FAM8A1: variants seen among roughly 807,000 people sequenced by gnomAD.
The protein encoded by FAM8A1 is protein FAM8A1.
FAM8A1 carries 18 observed loss-of-function variants against 38.3 expected under a neutral mutation model. The ratio of observed to expected loss-of-function variants is 0.47; its 90% CI spans 0.33 to 0.70. FAM8A1 has a LOEUF of 0.70. FAM8A1 is among the 30% of genes least tolerant of loss of function. The pLI, the probability that FAM8A1 is intolerant of heterozygous loss-of-function variation, is 0.03. For synonymous variants in FAM8A1, 246 were observed against 234.4 expected (o/e 1.05, Z -0.45); for missense variants, 559 against 559.6 (o/e 1.00, Z 0.01).
Position 17,608,355 on chromosome 6 carries a change from T to C in FAM8A1, c.*16T>C. ...GGTCAGATGATGCCCCCCAAAACCC[T>C]GATTTCCACACACTAAGACTAAATT... On this transcript the variant is annotated 3_prime_UTR_variant, in exon 5 of 5. Coordinates refer to ENST00000259963, the MANE Select transcript of FAM8A1 (RefSeq NM_016255.3). 1 of 1,601,664 alleles carries C rather than the reference T, an allele frequency of 6.2e-7. No homozygotes were observed. Among genetic ancestry groups the C allele is most frequent in the Non-Finnish European group, 8.5e-7 (1 of 1,174,658 alleles).
Position 17,610,645 on chromosome 6 carries a change from T to A in FAM8A1, c.*2306T>A, listed in dbSNP as rs1404613496. On this transcript the variant is annotated 3_prime_UTR_variant, in exon 5 of 5. Coordinates refer to ENST00000259963, the MANE Select transcript of FAM8A1 (RefSeq NM_016255.3). ...TCTCCTGCTTTCCAGAACACTTTAT[T>A]ATATTTCACTTATAGACCTGATTTT... 2 of 152,166 alleles carry A rather than the reference T, an allele frequency of 1.3e-5. No individual in the cohort carries two copies. Among genetic ancestry groups the A allele is most frequent in the Non-Finnish European group, 2.9e-5 (2 of 67,988 alleles). The allele number at this position is 152,166 out of a possible 1,614,324, so 9.4% of individuals were successfully genotyped here.
Position 17,610,791 on chromosome 6 carries a change from C to G in FAM8A1, c.*2452C>G, listed in dbSNP as rs1278412972. 3 of 152,104 alleles carry G rather than the reference C, an allele frequency of 2.0e-5. No individual in the cohort carries two copies. Among genetic ancestry groups the G allele is most frequent in the African/African-American group, 7.2e-5 (3 of 41,426 alleles). The allele number at this position is 152,104 out of a possible 1,614,324, so 9.4% of individuals were successfully genotyped here. ...AAGGGAACAAAATTTAGTATTCAAGCTGAGTGAGAATACTGTTTCAATGAG... is the reference window on the plus strand; with the variant it reads ...AAGGGAACAAAATTTAGTATTCAAGGTGAGTGAGAATACTGTTTCAATGAG... On this transcript the variant is annotated 3_prime_UTR_variant, in exon 5 of 5. Coordinates refer to ENST00000259963, the MANE Select transcript of FAM8A1 (RefSeq NM_016255.3).
Position 17,600,556 on chromosome 6 carries a change from CCCGGGCCG to C in FAM8A1, c.148_155del (p.Pro50AlafsTer134), listed in dbSNP as rs1264691869. ...ACGACCCCCAGGCCGAACCCCAGGCCCCGGGCCGGCCCACAGCCCCGGGCCTCGCGGCT... is the reference window on the plus strand; with the variant it reads ...ACGACCCCCAGGCCGAACCCCAGGCCGCCCACAGCCCCGGGCCTCGCGGCT... On this transcript the variant is annotated frameshift_variant, in exon 1 of 5. Transcript: ENST00000259963. LOFTEE classifies it high-confidence loss of function. 6 of 1,501,508 alleles carry C rather than the reference CCCGGGCCG, an allele frequency of 4.0e-6. No individual in the cohort carries two copies. In the African/African-American group the frequency reaches 7.6e-5, roughly 19 times the overall value. 93.0% of individuals were successfully genotyped at this position (1,501,508 alleles called of 1,614,324 possible).
Position 17,600,349 on chromosome 6 carries a change from G to A in FAM8A1, c.-61G>A, listed in dbSNP as rs972118831. 2 of 1,332,946 alleles carry A rather than the reference G, an allele frequency of 1.5e-6. No individual in the cohort carries two copies. The highest frequency in any genetic ancestry group is 3.1e-5 in the African/African-American group (2 of 64,792). 82.6% of individuals were successfully genotyped at this position (1,332,946 alleles called of 1,614,324 possible). On this transcript the variant is annotated 5_prime_UTR_variant, in exon 1 of 5. Transcript: ENST00000259963. ...GTGGTGACGGGGCTGTTGGGGAGGG[G>A]CCATTGGGGGAGGGAAACGGAGCAG...
In FAM8A1 at chr6:17,600,958, G is replaced by T. The variant is rs1346516721; in HGVS notation, c.549G>T (p.Ala183=). The change falls in exon 1 of 5, where the codon GCG becomes GCT. Residue 183 remains alanine, a synonymous_variant. Transcript: ENST00000259963. ...TCTACTTCCTGAGCCCCGGGGCCGCGGGGCCTGACCCGCGGACAGCTGCCG... is the reference window on the plus strand; with the variant it reads ...TCTACTTCCTGAGCCCCGGGGCCGCTGGGCCTGACCCGCGGACAGCTGCCG... ...NPFYFLSPGA[A]GPDPRTAAGI... The T allele has an allele frequency of 1.3e-5, 20 of 1,592,928 alleles. No homozygotes were observed. Among genetic ancestry groups the T allele is most frequent in the Non-Finnish European group, 1.7e-5 (20 of 1,171,980 alleles).
Position 17,600,960 on chromosome 6 carries a change from G to C in FAM8A1, c.551G>C (p.Gly184Ala). 6.3e-7 allele frequency: 1 copy of C among 1,594,794 alleles called. No individual in the cohort carries two copies. Among genetic ancestry groups the C allele is most frequent in the Non-Finnish European group, 8.5e-7 (1 of 1,172,764 alleles). The change falls in exon 1 of 5, where the codon GGG becomes GCG. Residue 184 changes from glycine (G) to alanine (A), a missense_variant. Physicochemically the swap from Gly to Ala is moderately conservative, Grantham distance 60 (BLOSUM62 0). Around this residue, in one of 2 missense-constraint regions of FAM8A1, gnomAD observed 393 missense variants for 338.9 expected, o/e 1.16. Coordinates refer to ENST00000259963, the MANE Select transcript of FAM8A1 (RefSeq NM_016255.3). The stretch of plus-strand genomic sequence containing the variant: ...TACTTCCTGAGCCCCGGGGCCGCGG[G>C]GCCTGACCCGCGGACAGCTGCCGGC... ...PFYFLSPGAAGPDPRTAAGIS... is the reference protein window; with the variant it reads ...PFYFLSPGAAAPDPRTAAGIS...
chr6:17,600,871 C>T lies in FAM8A1; in HGVS notation c.462C>T (p.Gly154=), dbSNP rs539852446. The T allele has an allele frequency of 5.6e-6, 9 of 1,606,740 alleles. No individual in the cohort carries two copies. The highest frequency in any genetic ancestry group is 1.7e-4 in the Middle Eastern group (1 of 5,970). The change falls in exon 1 of 5, where the codon GGC becomes GGT. Residue 154 remains glycine, a synonymous_variant. Coordinates refer to ENST00000259963, the MANE Select transcript of FAM8A1 (RefSeq NM_016255.3). ...CCTCCCCGCAGAGCTTCCCTTCGGG[C>T]GGCGCTGCAGTCCCCCAGGCCGCGG... The part of the protein sequence containing the change: ...PQPSPQSFPS[G]GAAVPQAAAP...
At chr6:17,604,272 C>T (rs2113745766) in intron 2 of FAM8A1, among the ~76,000 whole-genome samples, 1 of 152,250 alleles carries the variant, frequency 6.6e-6, no homozygotes, top group Non-Finnish European at 1.5e-5. Flanking sequence ...GGTTTATACT[C>T]AGGAGGCTGT....
chr6:17,600,382 T>C lies in FAM8A1; in HGVS notation c.-28T>C. 1.5e-6 allele frequency: 2 copies of C among 1,363,414 alleles called. No homozygotes were observed. Among genetic ancestry groups the C allele is most frequent in the Non-Finnish European group, 9.5e-7 (1 of 1,056,446 alleles). The allele number at this position is 1,363,414 out of a possible 1,614,324, so 84.5% of individuals were successfully genotyped here. A position where few individuals can be genotyped will look rare whatever the true frequency, so the allele number is the denominator to read the frequency against. On this transcript the variant is annotated 5_prime_UTR_variant, in exon 1 of 5. Transcript: ENST00000259963. ...GGGAGGGAAACGGAGCAGTGACAGG[T>C]ATCCCAGAGGGTGCTGCTGAGGCGA...
chr6:17,601,086 C>T lies in FAM8A1; in HGVS notation c.677C>T (p.Pro226Leu), dbSNP rs559689254. 1.7e-5 allele frequency: 27 copies of T among 1,598,874 alleles called. No homozygotes were observed. Among genetic ancestry groups the T allele is most frequent in the East Asian group, 4.5e-5 (2 of 44,402 alleles). Residue 226 changes from proline (P) to leucine (L), a missense_variant, in exon 1 of 5, where the codon CCT (proline) becomes CTT (leucine). Coordinates refer to ENST00000259963, the MANE Select transcript of FAM8A1 (RefSeq NM_016255.3). Reference protein sequence around the residue: ...TPVTRVGSAAPSRSPSETGRQ... With the variant: ...TPVTRVGSAALSRSPSETGRQ... ...GTGACGAGGGTAGGATCCGCAGCCC[C>T]TTCGCGAAGCCCGAGCGAGACCGGG... is the stretch of plus-strand genomic sequence containing the variant.
At chr6:17,601,988 T>C (rs1301444065) in intron 1 of FAM8A1, among the ~76,000 whole-genome samples, 1 of 152,060 alleles carries the variant, frequency 6.6e-6, no homozygotes, top group Non-Finnish European at 1.5e-5. Context: ...TGAAATGTAG[T>C]GGGTACCCTA....
In FAM8A1 at chr6:17,601,006, C is replaced by T. The variant is rs768135225; in HGVS notation, c.597C>T (p.Val199=). 2 of 1,588,024 alleles carry T rather than the reference C, an allele frequency of 1.3e-6. No individual in the cohort carries two copies. Among genetic ancestry groups the T allele is most frequent in the Non-Finnish European group, 1.7e-6 (2 of 1,169,488 alleles). ...TAAGISTPAP[V]AGLGPRAPHV... The stretch of plus-strand genomic sequence containing the variant: ...CCGGCATCAGCACCCCTGCTCCAGT[C>T]GCGGGCCTGGGACCCCGGGCTCCTC... The change falls in exon 1 of 5, where the codon GTC becomes GTT. Residue 199 remains valine, a synonymous_variant. Transcript: ENST00000259963.
chr6:17,607,271 A>C (rs1336373697), intron 4 of FAM8A1, among the ~76,000 whole-genome samples: 10 of 147,198 alleles, frequency 6.8e-5, no homozygotes, highest in Admixed American at 2.7e-4. Flanking sequence ...AAAAAAAAAA[A>C]AACAAAACAA....
chr6:17,606,999 G>A (rs1206710011), intron 4 of FAM8A1, among the ~76,000 whole-genome samples: 2 of 152,076 alleles, frequency 1.3e-5, no homozygotes, highest in Admixed American at 6.5e-5. Context: ...AGTGGCTCAC[G>A]CCTGTAATCC....
At chr6:17,606,261 C>T (rs571475650) in intron 4 of FAM8A1, among the ~76,000 whole-genome samples, 67 of 144,652 alleles carry the variant, frequency 4.6e-4, no homozygotes, top group Non-Finnish European at 8.8e-4. Flanking sequence ...AGTGCAGTGG[C>T]ACAGTCTCGG....
chr6:17,606,710 C>G (rs985586526), intron 4 of FAM8A1, among the ~76,000 whole-genome samples: 1 of 152,152 alleles, frequency 6.6e-6, no homozygotes, highest in African/African-American at 2.4e-5. Flanking sequence ...TGCATTCGTG[C>G]ATCCTTCTCC....
Position 17,600,700 on chromosome 6 carries a change from A to G in FAM8A1, c.291A>G (p.Glu97=), listed in dbSNP as rs1763969658. ...LQEQAGCEAP[E]AAAPRERPAR... Reference sequence around the variant, plus strand: ...AGCAGGCGGGCTGCGAGGCGCCCGAAGCCGCGGCGCCACGAGAGAGACCAG... The same window carrying G: ...AGCAGGCGGGCTGCGAGGCGCCCGAGGCCGCGGCGCCACGAGAGAGACCAG... The change falls in exon 1 of 5, where the codon GAA becomes GAG. Residue 97 remains glutamate, a synonymous_variant. Coordinates refer to ENST00000259963, the MANE Select transcript of FAM8A1 (RefSeq NM_016255.3). The G allele has an allele frequency of 6.4e-7, 1 of 1,572,792 alleles. No homozygotes were observed. Among genetic ancestry groups the G allele is most frequent in the South Asian group, 1.1e-5 (1 of 88,688 alleles).
intron 2 of FAM8A1, among the ~76,000 whole-genome samples, chr6:17,604,128 T>C (rs1392524368): frequency 1.3e-5 from 2 of 151,238 alleles, no homozygotes; most frequent in Non-Finnish European, 3.0e-5. Flanking sequence ...CCAGGTTGCT[T>C]TCAAAATCCT....
Position 17,600,684 on chromosome 6 carries a change from G to A in FAM8A1, c.275G>A (p.Gly92Asp), listed in dbSNP as rs1370545270. Reference protein sequence around the residue: ...GSGAELQEQAGCEAPEAAAPR... With the variant: ...GSGAELQEQADCEAPEAAAPR... ...GGTGCAGAGCTGCAGGAGCAGGCGGGCTGCGAGGCGCCCGAAGCCGCGGCG... is the reference window on the plus strand; with the variant it reads ...GGTGCAGAGCTGCAGGAGCAGGCGGACTGCGAGGCGCCCGAAGCCGCGGCG... The change falls in exon 1 of 5, where the codon GGC (glycine) becomes GAC (aspartate). Residue 92 changes from glycine to aspartate, a missense_variant. Physicochemically the swap from Gly to Asp is moderately conservative, Grantham distance 94. Around this residue, in one of 2 missense-constraint regions of FAM8A1, gnomAD observed 393 missense variants for 338.9 expected, o/e 1.16. Coordinates refer to ENST00000259963, the MANE Select transcript of FAM8A1 (RefSeq NM_016255.3). 1.9e-6 allele frequency: 3 copies of A among 1,601,010 alleles called. No individual in the cohort carries two copies. The highest frequency in any genetic ancestry group is 2.7e-5 in the African/African-American group (2 of 73,158).
Sources: gnomAD v4.1 joint callset for allele counts (sites outside exome capture counted in the v4.1 genomes callset) on GRCh38, gnomAD v4.1.1 for gene constraint, gnomAD v4.1.1 regional missense constraint, MANE v1.5 for transcripts, NCBI Gene and HGNC (gene_info 2026-07-23, HGNC 2026-07-21) for gene names.